The following DIAPH2 variants were observed in gnomAD, a reference collection of about 807,000 sequenced individuals.
DIAPH2 encodes protein diaphanous homolog 2.
In DIAPH2, 35 loss-of-function variants were observed where a neutral mutation model predicts 92.7. That is an observed-to-expected ratio of 0.38 (90% CI 0.29 to 0.50). The LOEUF is 0.50. Ranked by LOEUF, DIAPH2 falls within the 20% of genes least tolerant of loss-of-function variation. DIAPH2 has a pLI of 0.94. For synonymous variants in DIAPH2, 301 were observed against 280.4 expected, an observed-to-expected ratio of 1.07 and a Z score of -0.73; for missense variants, 701 against 819.5, an observed-to-expected ratio of 0.86 and a Z score of 1.77.
At chrX:97,341,471 G>T (rs773801165) in intron 23 of DIAPH2, 1 of 110,265 alleles carries the variant, frequency 9.1e-6, no homozygotes, top group African/African-American at 3.3e-5. Context: ...CAGAGAAAAA[G>T]AATATATATA....
At chrX:96,697,462 A>G (rs1190116769) in intron 1 of DIAPH2, among the ~76,000 whole-genome samples, 2 of 108,621 alleles carry the variant, frequency 1.8e-5, no homozygotes, top group Non-Finnish European at 3.8e-5. Context: ...CCTGGCCAAC[A>G]TGGTGGAACC....
Position 96,758,198 on chromosome X carries a change from C to T in DIAPH2, c.387C>T (p.Asn129=). Residue 129 remains asparagine (N), a synonymous_variant, in exon 4 of 27, where the codon AAC becomes AAT. Coordinates refer to ENST00000324765, the MANE Select transcript of DIAPH2 (RefSeq NM_006729.5). ...AAGAGAAAAAAGCTCCTTTACGAAA[C>T]AAAGACTTTACCACCAAACGTGAGA... is the stretch of plus-strand genomic sequence containing the variant. ...LNEEKKAPLR[N]KDFTTKREMV... 8.3e-7 allele frequency: 1 copy of T among 1,205,999 alleles called. No homozygotes were observed. Among genetic ancestry groups the T allele is most frequent in the South Asian group, 1.8e-5 (1 of 55,594 alleles).
chrX:97,226,271 T>G lies in DIAPH2; in HGVS notation c.2720-21444T>G, dbSNP rs1329983990. ...AGATTGTAAAAAATAAATACGGCATTAGGAATTACATAATATGACTTGAAA... is the reference window on the plus strand; with the variant it reads ...AGATTGTAAAAAATAAATACGGCATGAGGAATTACATAATATGACTTGAAA... On this transcript the variant is annotated intron_variant, in intron 22 of 26. Transcript: ENST00000324765. Among the ~76,000 whole-genome samples, 3 of 112,009 alleles carry G rather than the reference T, an allele frequency of 2.7e-5. 1 individual carries two copies. The Admixed American group carries it at 2.8e-4, about 11-fold the overall frequency.
chrX:97,204,820 T>A (rs750825330), intron 22 of DIAPH2, among the ~76,000 whole-genome samples: 1 of 111,656 alleles, frequency 9.0e-6, no homozygotes, highest in Admixed American at 9.5e-5. Flanking sequence ...GGAAAAAAAC[T>A]ACTTTAAATT....
At chrX:96,745,857 A>G (rs1319130691) in intron 3 of DIAPH2, among the ~76,000 whole-genome samples, 2 of 112,082 alleles carry the variant, frequency 1.8e-5, no homozygotes, top group Non-Finnish European at 3.8e-5. Context: ...CTTTCTAAGT[A>G]ATGGTATCAA....
At chrX:96,692,041 C>T (rs149278191) in intron 1 of DIAPH2, among the ~76,000 whole-genome samples, 1,550 of 112,148 alleles carry the variant, frequency 0.014, 8 homozygotes, top group Non-Finnish European at 0.021. Flanking sequence ...ACCCTTAATT[C>T]GTTGGTCTGT....
intron 1 of DIAPH2, among the ~76,000 whole-genome samples, chrX:96,717,360 A>C (rs1203882279): frequency 9.0e-6 from 1 of 110,909 alleles, no homozygotes; most frequent in African/African-American, 3.3e-5. Context: ...TATTGAGAGA[A>C]GAGCACTGAA....
At chrX:97,563,482 T>C (rs908711097) in intron 26 of DIAPH2, among the ~76,000 whole-genome samples, 1 of 111,872 alleles carries the variant, frequency 8.9e-6, no homozygotes, top group African/African-American at 3.2e-5. Flanking sequence ...TGGCAGATAA[T>C]TTTACACTTA....
chrX:96,973,045 A>G (rs1239327876), intron 17 of DIAPH2, among the ~76,000 whole-genome samples: 1 of 111,168 alleles, frequency 9.0e-6, no homozygotes, highest in Non-Finnish European at 1.9e-5. Context: ...GTCTGGGAAT[A>G]GGCTCATCCA....
chrX:97,286,041 C>CTTT (rs756488579), intron 23 of DIAPH2, among the ~76,000 whole-genome samples: 3 of 91,555 alleles, frequency 3.3e-5, no homozygotes, highest in African/African-American at 1.2e-4. Flanking sequence ...AGCCCAGAAA[C>CTTT]TTTTTTTTTT....
At chrX:97,382,928 T>C (rs2069564751) in intron 24 of DIAPH2, among the ~76,000 whole-genome samples, 1 of 112,211 alleles carries the variant, frequency 8.9e-6, no homozygotes, top group Non-Finnish European at 1.9e-5. Context: ...ATAGTTTTTG[T>C]CAAACAGCTT....
rs761132237 is a variant in DIAPH2, at chrX:97,330,535, C to G, written c.2845-17581C>G. 9.6e-5 allele frequency among the ~76,000 whole-genome samples: 10 copies of G among 104,256 alleles called. No homozygotes were observed. In the South Asian group the frequency reaches 3.5e-3, roughly 36 times the overall value. 90.5% of individuals were successfully genotyped at this position (104,256 alleles called of 115,157 possible). The stretch of plus-strand genomic sequence containing the variant: ...TTCTTTCTTTTTTTTTTTTTTGAGA[C>G]AGAGTCTTGCTCTGTCACCCAGGCT... On this transcript the variant is annotated intron_variant, in intron 23 of 26. Coordinates refer to ENST00000324765, the MANE Select transcript of DIAPH2 (RefSeq NM_006729.5).
At chrX:97,173,059 T>C (rs1444470452) in intron 22 of DIAPH2, among the ~76,000 whole-genome samples, 6 of 112,544 alleles carry the variant, frequency 5.3e-5, no homozygotes, top group African/African-American at 1.9e-4. Context: ...TCTCTGCCAT[T>C]GAACTTTATT....
intron 22 of DIAPH2, among the ~76,000 whole-genome samples, chrX:97,244,495 GT>G (rs1205708028): frequency 8.9e-6 from 1 of 111,805 alleles, no homozygotes; most frequent in East Asian, 2.8e-4. Flanking sequence ...ATTGGCCACG[GT>G]CTCTATACCA....
chrX:97,058,461 C>CTT (rs35551569), intron 17 of DIAPH2, among the ~76,000 whole-genome samples: 2 of 89,397 alleles, frequency 2.2e-5, no homozygotes, highest in Non-Finnish European at 4.4e-5. Flanking sequence ...TTCTTCTGGT[C>CTT]TTTTTTTTTT....
chrX:97,204,061 A>G (rs1405626758), intron 22 of DIAPH2, among the ~76,000 whole-genome samples: 2 of 112,162 alleles, frequency 1.8e-5, no homozygotes, highest in Non-Finnish European at 3.8e-5. Flanking sequence ...AATAGAACCA[A>G]TGACAAAAGC....
Position 97,371,345 on chromosome X carries a change from G to A in DIAPH2, c.3010-12564G>A, listed in dbSNP as rs2069446198. Among the ~76,000 whole-genome samples the A allele has an allele frequency of 3.6e-5, 4 of 111,308 alleles. No homozygotes were observed. In the Admixed American group the frequency reaches 3.8e-4, roughly 11 times the overall value. Reference sequence around the variant, plus strand: ...TCACCTGCGTTGCATTTAGGGATTAGTTTCAACTTTGTGGAATTCAGGCAA... The same window carrying A: ...TCACCTGCGTTGCATTTAGGGATTAATTTCAACTTTGTGGAATTCAGGCAA... On this transcript the variant is annotated intron_variant, in intron 24 of 26. Coordinates refer to ENST00000324765, the MANE Select transcript of DIAPH2 (RefSeq NM_006729.5).
intron 26 of DIAPH2, among the ~76,000 whole-genome samples, chrX:97,437,193 C>T (rs2070195922): frequency 8.9e-6 from 1 of 111,822 alleles, no homozygotes; most frequent in Non-Finnish European, 1.9e-5. Flanking sequence ...ACTTCTTTCT[C>T]CCTGAAGATA....
At chrX:97,428,390 G>A (rs964657179) in intron 25 of DIAPH2, among the ~76,000 whole-genome samples, 3 of 110,116 alleles carry the variant, frequency 2.7e-5, no homozygotes, top group Non-Finnish European at 5.7e-5. Flanking sequence ...CTAGCCAGGC[G>A]TGGTGGCGCA....
Sources: allele counts gnomAD v4.1 joint callset (sites outside exome capture counted in the v4.1 genomes callset), GRCh38; gene constraint gnomAD v4.1.1; transcripts MANE v1.5; gene names NCBI Gene and HGNC (gene_info 2026-07-23, HGNC 2026-07-21).